The following BCL11A variants were observed in gnomAD, a reference collection of about 807,000 sequenced individuals.
BCL11A encodes B cell CLL/lymphoma 11A.
BCL11A carries 2 observed loss-of-function variants against 55.9 expected under a neutral mutation model. That is an observed-to-expected ratio of 0.04 (90% CI 0.01 to 0.11). The LOEUF (loss-of-function observed/expected upper bound fraction) is 0.11. Among genes scored for constraint, BCL11A ranks in the 10% least tolerant of loss-of-function variants. The pLI is 1.00. For synonymous variants in BCL11A, 465 were observed against 473.4 expected (o/e 0.98, Z 0.23); for missense variants, 817 against 1,137.1 (o/e 0.72, Z 4.05).
At chr2:60,451,850 T>C (rs923746937) in exon 5 of BCL11A, 17 of 229,050 alleles carry the variant, frequency 7.4e-5, no homozygotes, top group Admixed American at 5.7e-4. Flanking sequence ...TTTAATGGTA[T>C]GCAAATTATA....
rs900283394 is a variant in BCL11A, at chr2:60,458,120, C to G, written c.*2284G>C. ...AAAAATACAAGCTTCAATATAAATACTATAGTGCCTAACACTAGATGAACA... is the reference window on the plus strand; with the variant it reads ...AAAAATACAAGCTTCAATATAAATAGTATAGTGCCTAACACTAGATGAACA... On this transcript the variant is annotated 3_prime_UTR_variant, in exon 4 of 4. Transcript: ENST00000642384. 1 of 1,028,704 alleles carries G rather than the reference C, an allele frequency of 9.7e-7. No individual in the cohort carries two copies. Among genetic ancestry groups the G allele is most frequent in the Non-Finnish European group, 1.2e-6 (1 of 855,346 alleles). 63.7% of individuals were successfully genotyped at this position (1,028,704 alleles called of 1,614,324 possible).
Position 60,553,286 on chromosome 2 carries a change from G to T in BCL11A, c.-16C>A. 1 of 1,553,964 alleles carries T rather than the reference G, an allele frequency of 6.4e-7. No individual in the cohort carries two copies. Among genetic ancestry groups the T allele is most frequent in the Non-Finnish European group, 8.6e-7 (1 of 1,158,214 alleles). ...GGCGAGACATGGTGGGCTGCGGGGC[G>T]GGCGGCGGCGGCGGCGGCGGCGGCG... On this transcript the variant is annotated 5_prime_UTR_variant, in exon 1 of 4. Coordinates refer to ENST00000642384, the MANE Select transcript of BCL11A (RefSeq NM_022893.4).
At chr2:60,520,498 G>A (rs1236440637) in intron 2 of BCL11A, among the ~76,000 whole-genome samples, 1 of 152,066 alleles carries the variant, frequency 6.6e-6, no homozygotes, top group Admixed American at 6.5e-5. Flanking sequence ...CCCTTCGGTG[G>A]GATAATGTAC....
At chr2:60,552,563 C>G (rs1403525144) in intron 1 of BCL11A, among the ~76,000 whole-genome samples, 2 of 152,216 alleles carry the variant, frequency 1.3e-5, no homozygotes, top group Non-Finnish European at 2.9e-5. Context: ...CCACGGCTCT[C>G]CCCGTCGCCG....
At chr2:60,540,745 T>C (rs1267532884) in intron 2 of BCL11A, among the ~76,000 whole-genome samples, 1 of 152,202 alleles carries the variant, frequency 6.6e-6, no homozygotes, top group African/African-American at 2.4e-5. Flanking sequence ...GCCTCCTCCC[T>C]GAGCTGAAGG....
Position 60,501,509 on chromosome 2 carries a change from T to C in BCL11A, c.386-32676A>G, listed in dbSNP as rs900215473. Among the ~76,000 whole-genome samples the C allele has an allele frequency of 5.4e-5, 8 of 149,054 alleles. No homozygotes were observed. The South Asian group carries it at 1.1e-3, about 20-fold the overall frequency. ...TGCAAGTACTGACACCGCTTTCTTTTTTTTTTTTTTTTTTTTTGAGACAGA... is the reference window on the plus strand; with the variant it reads ...TGCAAGTACTGACACCGCTTTCTTTCTTTTTTTTTTTTTTTTTGAGACAGA... On this transcript the variant is annotated intron_variant, in intron 2 of 3. Transcript: ENST00000642384.
intron 2 of BCL11A, among the ~76,000 whole-genome samples, chr2:60,532,598 T>C (rs1486563840): frequency 1.3e-5 from 2 of 152,116 alleles, no homozygotes; most frequent in African/African-American, 2.4e-5. Flanking sequence ...AAAAAGAAAA[T>C]TCCTTGGCAT....
chr2:60,522,357 CA>C (rs1187824891), intron 2 of BCL11A: 3 of 152,266 alleles, frequency 2.0e-5, no homozygotes, highest in African/African-American at 7.2e-5. Context: ...AATACAACTG[CA>C]AAACCATTAT....
intron 1 of BCL11A, among the ~76,000 whole-genome samples, chr2:60,547,626 A>C (rs1054247665): frequency 6.6e-6 from 1 of 152,222 alleles, no homozygotes; most frequent in Non-Finnish European, 1.5e-5. Flanking sequence ...TTCTTTAGCA[A>C]GCTGCCAATT....
rs982267092 is a variant in BCL11A at position 60,523,127 on chromosome 2, C to G, written c.385+22844G>C. Among the ~76,000 whole-genome samples, 3 of 152,264 alleles carry G rather than the reference C, an allele frequency of 2.0e-5. No individual in the cohort carries two copies. The South Asian group carries it at 6.2e-4, about 32-fold the overall frequency. ...GTAACTGTGTACAGATTACTGAAGT[C>G]CATTTAACCAGATGCAGAGGCAGGT... On this transcript the variant is annotated intron_variant, in intron 2 of 3. Coordinates refer to ENST00000642384, the MANE Select transcript of BCL11A (RefSeq NM_022893.4).
chr2:60,477,819 G>C (rs887818958), intron 2 of BCL11A, among the ~76,000 whole-genome samples: 1 of 152,186 alleles, frequency 6.6e-6, no homozygotes, highest in Admixed American at 6.5e-5. Context: ...GTCTGTGCAC[G>C]GAGAAGGGGC....
intron 2 of BCL11A, among the ~76,000 whole-genome samples, chr2:60,474,474 T>A (rs1037547155): frequency 6.6e-6 from 1 of 152,182 alleles, no homozygotes; most frequent in African/African-American, 2.4e-5. Context: ...AAATTTAGGG[T>A]GTTAAAAAAA....
chr2:60,503,013 T>C (rs1573018694), intron 2 of BCL11A, among the ~76,000 whole-genome samples: 1 of 152,224 alleles, frequency 6.6e-6, no homozygotes, highest in African/African-American at 2.4e-5. Flanking sequence ...TCTAGGGGGA[T>C]GGCTACTGGC....
At position 60,472,985 on chromosome 2, in the gene BCL11A, GTGTGTGTGT is replaced by G. The variant is rs1395833943; in HGVS notation, c.386-4161_386-4153del. Among the ~76,000 whole-genome samples, 3 of 144,076 alleles carry G rather than the reference GTGTGTGTGT, an allele frequency of 2.1e-5. No individual in the cohort carries two copies. In the East Asian group the frequency reaches 5.8e-4, roughly 28 times the overall value. 94.5% of individuals were successfully genotyped at this position (144,076 alleles called of 152,430 possible). On this transcript the variant is annotated intron_variant, in intron 2 of 3. Coordinates refer to ENST00000642384, the MANE Select transcript of BCL11A (RefSeq NM_022893.4). Reference sequence around the variant, plus strand: ...GTGTGCTATTCACTAAAATGTACGTGTGTGTGTGTTTGCAAGCATTTATGTGTACATATG... The same window carrying G: ...GTGTGCTATTCACTAAAATGTACGTGTTGCAAGCATTTATGTGTACATATG...
intron 2 of BCL11A, among the ~76,000 whole-genome samples, chr2:60,514,646 C>T (rs925250129): frequency 4.7e-4 from 70 of 147,382 alleles, no homozygotes; most frequent in African/African-American, 1.7e-3. Context: ...CCAGCCTGGG[C>T]GACAGAGCGA....
chr2:60,467,110 A>AGTGGTGGTGGTGGTGGTG (rs1203073598), intron 3 of BCL11A, among the ~76,000 whole-genome samples: 4 of 72,458 alleles, frequency 5.5e-5, no homozygotes, highest in East Asian at 4.6e-4. Context: ...TGGTGGTGGT[A>AGTGGTGGTGGTGGTGGTG]GTGGTGGTGG....
At chr2:60,452,953 A>G, downstream of BCL11A, 1 of 290,786 alleles carries the variant, frequency 3.4e-6, no homozygotes, top group Non-Finnish European at 6.5e-6. Flanking sequence ...CTCGGGACAC[A>G]CCTGGAAGGA....
At chr2:60,464,999 T>C (rs1572957285) in intron 3 of BCL11A, among the ~76,000 whole-genome samples, 1 of 152,198 alleles carries the variant, frequency 6.6e-6, no homozygotes, top group African/African-American at 2.4e-5. Context: ...ATAATGTCAA[T>C]GAGAAGGGCT....
chr2:60,533,780 C>T (rs1048640660), intron 2 of BCL11A: 1 of 152,158 alleles, frequency 6.6e-6, no homozygotes, highest in Non-Finnish European at 1.5e-5. Flanking sequence ...ATCTTACTGC[C>T]TAAAAAGTTC....
Sources: allele counts gnomAD v4.1 joint callset (sites outside exome capture counted in the v4.1 genomes callset), GRCh38; gene constraint gnomAD v4.1.1; transcripts MANE v1.5; gene names NCBI Gene and HGNC (gene_info 2026-07-23, HGNC 2026-07-21).